Variants in SPATS2 observed in about 807,000 individuals in gnomAD.
SPATS2 encodes spermatogenesis associated serine rich 2.
In SPATS2, 38 loss-of-function variants were observed where a neutral mutation model predicts 63.7. That is an observed-to-expected ratio of 0.60 (90% CI 0.46 to 0.78). The LOEUF (loss-of-function observed/expected upper bound fraction) is 0.78. SPATS2 is among the 30% of genes least tolerant of loss of function. SPATS2 has a pLI of 0.00. For synonymous variants in SPATS2, 207 were observed against 232.9 expected (o/e 0.89, Z 1.01); for missense variants, 588 against 666.2 (o/e 0.88, Z 1.29).
chr12:49,524,296 C>T (rs1274520671), intron 12 of SPATS2, among the ~76,000 whole-genome samples: 1 of 151,936 alleles, frequency 6.6e-6, no homozygotes, highest in Admixed American at 6.6e-5. Flanking sequence ...AAAGGCTGTT[C>T]CTTAGAATGT....
intron 2 of SPATS2, among the ~76,000 whole-genome samples, chr12:49,421,438 A>C (rs1455069805): frequency 6.6e-6 from 1 of 151,054 alleles, no homozygotes; most frequent in Non-Finnish European, 1.5e-5. Flanking sequence ...AAAAAAAAAA[A>C]AAAAACAACC....
intron 2 of SPATS2, among the ~76,000 whole-genome samples, chr12:49,372,940 TTGTGTGTGTGTGTGTGTGTGTGTGTGTG>T (rs56940721): frequency 3.6e-4 from 47 of 130,050 alleles, no homozygotes; most frequent in Admixed American, 1.3e-3. Context: ...ATTTTCTGTT[TTGTGTGTGTGTGTGTGTGTGTGTGTGTG>T]TGTGTGTGTG....
At chr12:49,420,756 A>C (rs1361376230) in intron 2 of SPATS2, among the ~76,000 whole-genome samples, 1 of 152,144 alleles carries the variant, frequency 6.6e-6, no homozygotes, top group Non-Finnish European at 1.5e-5. Flanking sequence ...GCTCACACCC[A>C]TAATCCTAAC....
intron 2 of SPATS2, among the ~76,000 whole-genome samples, chr12:49,417,872 A>G (rs182973140): frequency 1.1e-4 from 17 of 152,280 alleles, no homozygotes; most frequent in Admixed American, 6.5e-4. Flanking sequence ...GAAAAAGTGT[A>G]TTAGCATGTA....
chr12:49,464,306 TCAGCCTGGACAA>T lies in SPATS2; in HGVS notation c.25+3272_25+3283del, dbSNP rs1235745691. 5.3e-5 allele frequency among the ~76,000 whole-genome samples: 8 copies of T among 151,668 alleles called. No homozygotes were observed. In the East Asian group the frequency reaches 1.6e-3, roughly 29 times the overall value. ...ATGGCTTGAAGCCAGGAGTTCAAAATCAGCCTGGACAACATAGTAAGACTCTGTCTTAGCCAG... is the reference window on the plus strand; with the variant it reads ...ATGGCTTGAAGCCAGGAGTTCAAAATCATAGTAAGACTCTGTCTTAGCCAG... On this transcript the variant is annotated intron_variant, in intron 3 of 13. Coordinates refer to ENST00000552918, the MANE Select transcript of SPATS2 (RefSeq NM_023071.4).
In SPATS2 at chr12:49,511,197, GA is replaced by G. The variant is rs368216163; in HGVS notation, c.840-3346del. On this transcript the variant is annotated intron_variant, in intron 9 of 13. Transcript: ENST00000552918. ...GAGCGAGACTCCATCTCAAAAAAAA[GA>G]AAAAAAAAAAACACATCTTATAGAA... is the stretch of plus-strand genomic sequence containing the variant. Among the ~76,000 whole-genome samples the G allele has an allele frequency of 5.3e-3, 673 of 127,118 alleles. 5 individuals carry two copies. The highest frequency in any genetic ancestry group is 0.016 in the African/African-American group (561 of 35,030). 83.4% of individuals were successfully genotyped at this position (127,118 alleles called of 152,430 possible). A position where few individuals can be genotyped will look rare whatever the true frequency, so the allele number is the denominator to read the frequency against.
At chr12:49,500,981 T>C (rs1414889461) in intron 9 of SPATS2, among the ~76,000 whole-genome samples, 3 of 152,100 alleles carry the variant, frequency 2.0e-5, no homozygotes, top group Admixed American at 1.3e-4. Flanking sequence ...AGGGTCTTAC[T>C]CTGTCTGTCA....
At chr12:49,504,737 T>C (rs776563845) in intron 9 of SPATS2, among the ~76,000 whole-genome samples, 13,242 of 149,402 alleles carry the variant, frequency 0.089, 741 homozygotes, top group African/African-American at 0.14. Context: ...TTGGCGCGTT[T>C]TTTTTTTTCC....
At chr12:49,517,438 A>G (rs1416456109) in intron 10 of SPATS2, among the ~76,000 whole-genome samples, 12 of 152,202 alleles carry the variant, frequency 7.9e-5, no homozygotes, top group Non-Finnish European at 1.5e-5. Flanking sequence ...GAATTTGGCT[A>G]ATTCCTCAGT....
intron 2 of SPATS2, among the ~76,000 whole-genome samples, chr12:49,450,842 C>G (rs1348496943): frequency 1.3e-5 from 2 of 151,416 alleles, no homozygotes; most frequent in Admixed American, 6.6e-5. Context: ...CTGTGTCAGC[C>G]TATTTTTTGT....
chr12:49,458,606 CCT>C (rs775768103), intron 2 of SPATS2, among the ~76,000 whole-genome samples: 2 of 152,066 alleles, frequency 1.3e-5, no homozygotes, highest in South Asian at 2.1e-4. Context: ...ATGGTGAACC[CCT>C]CTCTCTACTG....
chr12:49,456,410 G>A (rs1383261990), intron 2 of SPATS2, among the ~76,000 whole-genome samples: 1 of 152,190 alleles, frequency 6.6e-6, no homozygotes, highest in Non-Finnish European at 1.5e-5. Flanking sequence ...ATGATAAAGA[G>A]GCCAGTGTGG....
At chr12:49,481,939 C>A (rs943694590) in intron 3 of SPATS2, among the ~76,000 whole-genome samples, 1 of 152,020 alleles carries the variant, frequency 6.6e-6, no homozygotes, top group African/African-American at 2.4e-5. Context: ...TTATTTCTTA[C>A]CAATAGAATT....
intron 9 of SPATS2, among the ~76,000 whole-genome samples, chr12:49,500,758 C>T (rs1472162901): frequency 2.7e-5 from 4 of 150,620 alleles, no homozygotes; most frequent in African/African-American, 4.9e-5. Flanking sequence ...GGCGACAGAG[C>T]GAAACTCTGT....
chr12:49,467,438 A>T (rs1945942846), intron 3 of SPATS2, among the ~76,000 whole-genome samples: 1 of 152,114 alleles, frequency 6.6e-6, no homozygotes, highest in Non-Finnish European at 1.5e-5. Context: ...AGACTTGGGG[A>T]GTAATTCAAG....
At chr12:49,520,335 C>T (rs796187790) in intron 11 of SPATS2, among the ~76,000 whole-genome samples, 5 of 152,214 alleles carry the variant, frequency 3.3e-5, no homozygotes, top group African/African-American at 1.2e-4. Context: ...CCAGGCTGGT[C>T]TTGAACTCCT....
At chr12:49,514,026 G>A (rs1946797328) in intron 9 of SPATS2, among the ~76,000 whole-genome samples, 1 of 151,942 alleles carries the variant, frequency 6.6e-6, no homozygotes, top group Admixed American at 6.6e-5. Flanking sequence ...GCGTGGTGGC[G>A]GGCGCCTGTA....
At chr12:49,459,134 A>T (rs1945772955) in intron 2 of SPATS2, among the ~76,000 whole-genome samples, 1 of 152,120 alleles carries the variant, frequency 6.6e-6, no homozygotes. Context: ...ATCAAAATTT[A>T]AGCAGAGAAG....
intron 2 of SPATS2, among the ~76,000 whole-genome samples, chr12:49,457,968 A>T (rs887497419): frequency 5.3e-5 from 8 of 152,128 alleles, no homozygotes; most frequent in African/African-American, 1.9e-4. Context: ...CTGAGGTCCC[A>T]CTGTGGTTTG....
Sources: gnomAD v4.1 joint callset for allele counts (sites outside exome capture counted in the v4.1 genomes callset) on GRCh38, gnomAD v4.1.1 for gene constraint, MANE v1.5 for transcripts, NCBI Gene and HGNC (gene_info 2026-07-23, HGNC 2026-07-21) for gene names.